CCBE1: variants seen among roughly 807,000 people sequenced by gnomAD.
The protein encoded by CCBE1 is collagen and calcium binding EGF domains 1, also known as collagen and calcium-binding EGF domain-containing protein 1.
A neutral mutation model predicts 50.0 loss-of-function variants in CCBE1; 37 were observed. The observed-to-expected ratio is 0.74, with a 90% CI of 0.57 to 0.97. CCBE1 has a LOEUF of 0.97. Ranked by LOEUF, CCBE1 falls within the 50% of genes least tolerant of loss-of-function variation. The pLI, the probability that CCBE1 is intolerant of heterozygous loss-of-function variation, is 0.00. For synonymous variants in CCBE1, 234 were observed against 203.7 expected (o/e 1.15, Z -1.27); for missense variants, 538 against 523.8 (o/e 1.03, Z -0.26).
Position 59,522,808 on chromosome 18 carries a change from T to C in CCBE1, c.213-42570A>G, listed in dbSNP as rs575791198. Among the ~76,000 whole-genome samples the C allele has an allele frequency of 7.2e-4, 109 of 151,922 alleles. 1 individual carries two copies. The highest frequency in any genetic ancestry group is 2.4e-3 in the African/African-American group (100 of 41,454). ...ATCAAGACCATCCTGGCTAATATGG[T>C]GAAACCTCGTCTCTACTAAGAAAAA... On this transcript the variant is annotated intron_variant, in intron 2 of 10. Transcript: ENST00000439986.
intron 7 of CCBE1, among the ~76,000 whole-genome samples, chr18:59,446,734 C>T (rs1199863148): frequency 6.6e-6 from 1 of 152,258 alleles, no homozygotes; most frequent in African/African-American, 2.4e-5. Flanking sequence ...CCGCTGACCA[C>T]TGCAGACTAC....
chr18:59,671,256 T>G (rs538147715), intron 2 of CCBE1, among the ~76,000 whole-genome samples: 1 of 152,046 alleles, frequency 6.6e-6, no homozygotes, highest in Non-Finnish European at 1.5e-5. Flanking sequence ...CCCAGCACTT[T>G]GGGAGGCAGC....
At chr18:59,578,740 T>A (rs890070590) in intron 2 of CCBE1, among the ~76,000 whole-genome samples, 1 of 151,840 alleles carries the variant, frequency 6.6e-6, no homozygotes, top group African/African-American at 2.4e-5. Context: ...TAAGTGGGAG[T>A]TGAACAATGA....
chr18:59,545,581 G>A (rs72966126), intron 2 of CCBE1, among the ~76,000 whole-genome samples: 14,620 of 152,150 alleles, frequency 0.096, 897 homozygotes, highest in Middle Eastern at 0.16. Context: ...TCATGTTCTA[G>A]TTTATTGCAA....
At chr18:59,456,890 A>G (rs1258623384) in intron 5 of CCBE1, among the ~76,000 whole-genome samples, 1 of 152,208 alleles carries the variant, frequency 6.6e-6, no homozygotes, top group Non-Finnish European at 1.5e-5. Context: ...AGGAAGTTTC[A>G]GAGCTTACCT....
chr18:59,435,993 T>G lies in CCBE1; in HGVS notation c.1136A>C (p.Glu379Ala). ...PLPQEFPSYP[E>A]AMDLGSGDDH... ...ATCTCCAGAGCCCAGGTCCATGGCT[T>G]CTGGGTAGCTGGGAAATTCCTGAGG... Residue 379 changes from glutamate (E) to alanine (A), a missense_variant, in exon 11 of 11, where the codon GAA becomes GCA. Glu to Ala is a moderately radical substitution (Grantham distance 107). Coordinates refer to ENST00000439986, the MANE Select transcript of CCBE1 (RefSeq NM_133459.4). 1 of 1,614,158 alleles carries G rather than the reference T, an allele frequency of 6.2e-7. No homozygotes were observed. Among genetic ancestry groups the G allele is most frequent in the Non-Finnish European group, 8.5e-7 (1 of 1,180,022 alleles).
chr18:59,600,420 T>C (rs1203805704), intron 2 of CCBE1, among the ~76,000 whole-genome samples: 1 of 152,038 alleles, frequency 6.6e-6, no homozygotes, highest in Non-Finnish European at 1.5e-5. Flanking sequence ...TATGTTACAA[T>C]GTGATAATAG....
chr18:59,487,180 C>G (rs568983494), intron 2 of CCBE1, among the ~76,000 whole-genome samples: 1 of 149,772 alleles, frequency 6.7e-6, no homozygotes, highest in South Asian at 2.2e-4. Flanking sequence ...TGGAGACTTC[C>G]GAGACATAAA....
intron 2 of CCBE1, among the ~76,000 whole-genome samples, chr18:59,507,258 C>A (rs1319968168): frequency 6.6e-6 from 1 of 152,202 alleles, no homozygotes; most frequent in African/African-American, 2.4e-5. Flanking sequence ...TACCAAAGAT[C>A]AAGCCCTGTC....
At chr18:59,452,574 CAG>C (rs1910990855) in intron 6 of CCBE1, among the ~76,000 whole-genome samples, 1 of 152,154 alleles carries the variant, frequency 6.6e-6, no homozygotes, top group Non-Finnish European at 1.5e-5. Flanking sequence ...GCCTGGGCGA[CAG>C]AGCGAGACTT....
intron 2 of CCBE1, among the ~76,000 whole-genome samples, chr18:59,548,649 C>T (rs1915800545): frequency 6.6e-6 from 1 of 152,154 alleles, no homozygotes; most frequent in African/African-American, 2.4e-5. Context: ...AAGAACACCA[C>T]AAGCAAAGAA....
At chr18:59,577,981 A>G (rs2053024063) in intron 2 of CCBE1, among the ~76,000 whole-genome samples, 1 of 152,232 alleles carries the variant, frequency 6.6e-6, no homozygotes, top group Admixed American at 6.5e-5. Context: ...TAAACTAAAG[A>G]GCTTCTGCAC....
chr18:59,601,492 C>T (rs993370003), intron 2 of CCBE1, among the ~76,000 whole-genome samples: 3 of 152,290 alleles, frequency 2.0e-5, no homozygotes, highest in South Asian at 2.1e-4. Flanking sequence ...CCTCTCCAGC[C>T]GTGTGGAACT....
chr18:59,439,438 G>T, intron 9 of CCBE1, 105 bp downstream of exon 9: 1 of 1,394,346 alleles, frequency 7.2e-7, no homozygotes, highest in Non-Finnish European at 1.0e-6. Flanking sequence ...TTGCACTCCA[G>T]CCTGGGTGAC....
chr18:59,695,964 T>C (rs1391049309), intron 2 of CCBE1, among the ~76,000 whole-genome samples: 1 of 152,182 alleles, frequency 6.6e-6, no homozygotes, highest in Non-Finnish European at 1.5e-5. Context: ...AGAACAGTGG[T>C]TCTCTCCTTT....
intron 2 of CCBE1, among the ~76,000 whole-genome samples, chr18:59,609,149 G>T (rs1266563063): frequency 6.6e-6 from 1 of 152,118 alleles, no homozygotes; most frequent in Non-Finnish European, 1.5e-5. Context: ...CTCGCTTCTG[G>T]ATTCCTTAGT....
chr18:59,436,150 A>C lies in CCBE1; in HGVS notation c.988-9T>G, dbSNP rs373350200. On this transcript the variant is annotated splice_polypyrimidine_tract_variant and intron_variant, in intron 10 of 10. Transcript: ENST00000439986. ...AAAGAACCAGGGGGTCCCTGTGTAC[A>C]TGGGAGGAATCAAAGCTAGAATACG... The C allele has an allele frequency of 1.1e-5, 18 of 1,613,022 alleles. No individual in the cohort carries two copies. The highest frequency in any genetic ancestry group is 1.1e-5 in the Non-Finnish European group (13 of 1,179,172).
intron 3 of CCBE1, among the ~76,000 whole-genome samples, chr18:59,472,657 GA>G (rs1568158703): frequency 6.6e-6 from 1 of 152,184 alleles, no homozygotes; most frequent in Non-Finnish European, 1.5e-5. Context: ...CTGCCTCCAT[GA>G]ATGTGCATTC....
Position 59,567,798 on chromosome 18 carries a change from C to T in CCBE1, c.213-87560G>A, listed in dbSNP as rs148427876. Among the ~76,000 whole-genome samples, 1,506 of 152,294 alleles carry T rather than the reference C, an allele frequency of 9.9e-3. 23 individuals carry two copies. Among genetic ancestry groups the T allele is most frequent in the African/African-American group, 0.034 (1,400 of 41,548 alleles). ...TGTTACTGACAGGGAAAAAGATGATCGTACTTAAAAGTCATTGCCAACAGT... is the reference window on the plus strand; with the variant it reads ...TGTTACTGACAGGGAAAAAGATGATTGTACTTAAAAGTCATTGCCAACAGT... On this transcript the variant is annotated intron_variant, in intron 2 of 10. Coordinates refer to ENST00000439986, the MANE Select transcript of CCBE1 (RefSeq NM_133459.4).
Sources: gnomAD v4.1 joint callset for allele counts (sites outside exome capture counted in the v4.1 genomes callset) on GRCh38, gnomAD v4.1.1 for gene constraint, MANE v1.5 for transcripts, NCBI Gene and HGNC (gene_info 2026-07-23, HGNC 2026-07-21) for gene names.